Variants in NAALADL2 observed in about 807,000 individuals in gnomAD.
NAALADL2 encodes the protein inactive N-acetylated-alpha-linked acidic dipeptidase-like protein 2.
In NAALADL2, 76 loss-of-function variants were observed where a neutral mutation model predicts 87.2. The ratio of observed to expected loss-of-function variants is 0.87; its 90% confidence interval spans 0.72 to 1.05. NAALADL2 has a LOEUF of 1.05. Among genes scored for constraint, NAALADL2 ranks in the 50% least tolerant of loss-of-function variants. The pLI, the probability that NAALADL2 is intolerant of heterozygous loss-of-function variation, is 0.00. For missense variants in NAALADL2, 1,089 were observed against 945.8 expected, an observed-to-expected ratio of 1.15 and a Z score of -1.99; for synonymous variants, 354 against 331.0, an observed-to-expected ratio of 1.07 and a Z score of -0.75.
At chr3:175,095,207 C>T (rs116030188) in intron 1 of NAALADL2, among the ~76,000 whole-genome samples, 169 of 152,048 alleles carry the variant, frequency 1.1e-3, no homozygotes, top group African/African-American at 4.1e-3. Flanking sequence ...CCTCTCACAC[C>T]CTCCTCTCTT....
chr3:175,145,592 T>C (rs1730630029), intron 2 of NAALADL2, among the ~76,000 whole-genome samples: 1 of 152,104 alleles, frequency 6.6e-6, no homozygotes, highest in Non-Finnish European at 1.5e-5. Flanking sequence ...TGTTTAGAAG[T>C]AGTGCTGAAC....
intron 2 of NAALADL2, among the ~76,000 whole-genome samples, chr3:174,673,850 A>G (rs932257078): frequency 1.3e-5 from 2 of 152,068 alleles, no homozygotes; most frequent in African/African-American, 4.8e-5. Flanking sequence ...AAAGTGATGG[A>G]TATGCTAAAT....
At chr3:175,376,164 GAA>G (rs1159470865) in intron 5 of NAALADL2, among the ~76,000 whole-genome samples, 2 of 151,706 alleles carry the variant, frequency 1.3e-5, no homozygotes, top group East Asian at 1.9e-4. Context: ...GAAACTGAAA[GAA>G]AAAAAGTATT....
intron 1 of NAALADL2, among the ~76,000 whole-genome samples, chr3:174,528,393 GC>G (rs1345502126): frequency 3.9e-5 from 6 of 152,138 alleles, no homozygotes; most frequent in African/African-American, 1.4e-4. Context: ...ACTTTGAGAG[GC>G]CAAGGCATGT....
intron 3 of NAALADL2, among the ~76,000 whole-genome samples, chr3:174,826,014 C>T (rs990532723): frequency 6.6e-6 from 1 of 150,902 alleles, no homozygotes; most frequent in African/African-American, 2.4e-5. Flanking sequence ...GCAGACAGAG[C>T]GAGACTCCAT....
At position 175,781,485 on chromosome 3, in the gene NAALADL2, G is replaced by A. The variant is rs540493727; in HGVS notation, c.2190-21520G>A. On this transcript the variant is annotated intron_variant, in intron 13 of 13. Transcript: ENST00000454872. ...CATATAGCAATTATAACTAAGTACA[G>A]TACCTGATACTTGATGATTGATAAT... 7.2e-5 allele frequency among the ~76,000 whole-genome samples: 11 copies of A among 152,050 alleles called. No individual in the cohort carries two copies. In the South Asian group the frequency reaches 2.1e-3, roughly 29 times the overall value.
At position 175,013,177 on chromosome 3, in the gene NAALADL2, T is replaced by TATAATATATA. The variant is rs1750274655; in HGVS notation, c.44-83613_44-83612insATAATATATA. ...TTTATATATAAATATGTAATACATA[T>TATAATATATA]TTATATATAAATATATATACATAAA... On this transcript the variant is annotated intron_variant, in intron 1 of 13. Coordinates refer to ENST00000454872, the MANE Select transcript of NAALADL2 (RefSeq NM_207015.3). Among the ~76,000 whole-genome samples, 2 of 118,520 alleles carry TATAATATATA rather than the reference T, an allele frequency of 1.7e-5. 1 individual carries two copies. The highest frequency in any genetic ancestry group is 3.6e-5 in the Non-Finnish European group (2 of 55,742). 77.8% of individuals were successfully genotyped at this position (118,520 alleles called of 152,430 possible).
chr3:175,446,797 A>G (rs1330315697), intron 5 of NAALADL2, among the ~76,000 whole-genome samples: 1 of 152,146 alleles, frequency 6.6e-6, no homozygotes, highest in East Asian at 1.9e-4. Flanking sequence ...TCGGTGGTAC[A>G]AACAGCATTC....
chr3:174,701,524 G>A (rs55941837), intron 2 of NAALADL2, among the ~76,000 whole-genome samples: 65,238 of 151,848 alleles, frequency 0.43, 14,171 homozygotes, highest in South Asian at 0.52. Flanking sequence ...TGATGTGTAC[G>A]TTTGTGAATT....
chr3:175,472,982 C>T (rs1346885285), intron 9 of NAALADL2, among the ~76,000 whole-genome samples: 2 of 151,900 alleles, frequency 1.3e-5, no homozygotes, highest in African/African-American at 4.8e-5. Flanking sequence ...TCTCAAGTAT[C>T]CAGAAATAGA....
chr3:174,971,961 G>T (rs188877651), intron 1 of NAALADL2, among the ~76,000 whole-genome samples: 10 of 152,270 alleles, frequency 6.6e-5, no homozygotes, highest in Admixed American at 6.5e-4. Flanking sequence ...GCCTCCCAAA[G>T]TGCTGGGATT....
upstream of NAALADL2, among the ~76,000 whole-genome samples, chr3:174,858,348 T>G (rs912014141): frequency 2.0e-5 from 3 of 152,158 alleles, no homozygotes; most frequent in Admixed American, 2.0e-4. Context: ...ATTGCCTTAA[T>G]TCTGTGATAT....
intron 5 of NAALADL2, among the ~76,000 whole-genome samples, chr3:175,373,300 T>C (rs142845106): frequency 3.3e-5 from 5 of 152,304 alleles, no homozygotes; most frequent in African/African-American, 9.6e-5. Context: ...AAATTTATCT[T>C]ATGTTCCTTT....
intron 2 of NAALADL2, among the ~76,000 whole-genome samples, chr3:174,720,668 A>G (rs1237065116): frequency 6.6e-6 from 1 of 152,166 alleles, no homozygotes; most frequent in East Asian, 1.9e-4. Flanking sequence ...AATTATCGTT[A>G]CAAAAGTGGG....
intron 13 of NAALADL2, among the ~76,000 whole-genome samples, chr3:175,797,165 C>T (rs1753599581): frequency 1.3e-5 from 2 of 152,038 alleles, no homozygotes; most frequent in African/African-American, 4.8e-5. Flanking sequence ...TAATATATTA[C>T]ACTTTCCTTT....
intron 13 of NAALADL2, among the ~76,000 whole-genome samples, chr3:175,765,140 A>T (rs937517324): frequency 2.0e-4 from 30 of 152,284 alleles, no homozygotes; most frequent in African/African-American, 2.4e-4. Flanking sequence ...GCACAAAAGA[A>T]TCTATGTATG....
intron 1 of NAALADL2, among the ~76,000 whole-genome samples, chr3:175,043,208 G>T (rs949456398): frequency 1.3e-5 from 2 of 151,978 alleles, no homozygotes; most frequent in African/African-American, 4.8e-5. Flanking sequence ...TTAAAATATG[G>T]TTATTTGATT....
rs368027323 is a variant in NAALADL2, at chr3:174,691,679, G to C, written c.-114-45962G>C. ...CTGTAACATGCGATGCTGTTGGATA[G>C]CATTTTACCCATAGTAAAATTTCTC... is the stretch of plus-strand genomic sequence containing the variant. On this transcript the variant is annotated intron_variant, in intron 2 of 3. Coordinates refer to the NAALADL2 transcript ENST00000434257. Among the ~76,000 whole-genome samples the C allele has an allele frequency of 7.1e-4, 108 of 152,258 alleles. 2 individuals are homozygous for C. The South Asian group carries it at 0.022, about 30-fold the overall frequency.
chr3:175,325,826 T>C (rs1377623583), intron 5 of NAALADL2, among the ~76,000 whole-genome samples: 1 of 152,218 alleles, frequency 6.6e-6, no homozygotes, highest in Admixed American at 6.5e-5. Flanking sequence ...GTTTAGCATA[T>C]ATAGAATCTC....
Sources: allele counts gnomAD v4.1 joint callset (sites outside exome capture counted in the v4.1 genomes callset), GRCh38; gene constraint gnomAD v4.1.1; transcripts MANE v1.5; gene names NCBI Gene and HGNC (gene_info 2026-07-23, HGNC 2026-07-21).